Variants in FSTL5 observed in about 807,000 individuals in gnomAD.
The protein encoded by FSTL5 is follistatin like 5.
A neutral mutation model predicts 89.1 loss-of-function variants in FSTL5; 62 were observed. That is an observed-to-expected ratio of 0.70 (90% CI 0.57 to 0.86). The LOEUF (loss-of-function observed/expected upper bound fraction) is 0.86. Among genes scored for constraint, FSTL5 ranks in the 40% least tolerant of loss-of-function variants. FSTL5 has a pLI of 0.00. For missense variants in FSTL5, 1,057 were observed against 1,001.6 expected (o/e 1.06, Z -0.75); for synonymous variants, 383 against 346.2 (o/e 1.11, Z -1.18).
At chr4:161,700,350 T>C (rs1738344405) in intron 6 of FSTL5, among the ~76,000 whole-genome samples, 1 of 152,118 alleles carries the variant, frequency 6.6e-6, no homozygotes, top group Admixed American at 6.6e-5. Context: ...TATGCTATAA[T>C]TCCTCTCTTC....
chr4:161,435,589 T>C (rs963359349), intron 15 of FSTL5, among the ~76,000 whole-genome samples: 2 of 151,840 alleles, frequency 1.3e-5, no homozygotes, highest in Non-Finnish European at 2.9e-5. Flanking sequence ...AACTGGATTG[T>C]CTGTAACACA....
intron 10 of FSTL5, among the ~76,000 whole-genome samples, chr4:161,526,671 C>T (rs1162054406): frequency 1.3e-5 from 2 of 152,154 alleles, no homozygotes; most frequent in Non-Finnish European, 2.9e-5. Flanking sequence ...ATATGGCTAG[C>T]CAGTTTTCCC....
At chr4:161,567,960 G>A (rs1180784935) in intron 8 of FSTL5, among the ~76,000 whole-genome samples, 1 of 151,912 alleles carries the variant, frequency 6.6e-6, no homozygotes, top group Non-Finnish European at 1.5e-5. Context: ...GAAAGATTGA[G>A]CACATGGAAC....
chr4:161,465,296 G>A (rs1021167626), intron 13 of FSTL5, among the ~76,000 whole-genome samples: 8 of 151,986 alleles, frequency 5.3e-5, no homozygotes, highest in African/African-American at 1.9e-4. Flanking sequence ...GACCATTGGT[G>A]TGCACATTTT....
At position 162,058,261 on chromosome 4, in the gene FSTL5, G is replaced by A. The variant is rs113730116; in HGVS notation, c.127-24603C>T. On this transcript the variant is annotated intron_variant, in intron 2 of 15. Transcript: ENST00000306100. Reference sequence around the variant, plus strand: ...TTCAATTTCTAAGAGTTAGGGACAAGGCTAGAATGGGAATAGAAGGTTTCA... The same window carrying A: ...TTCAATTTCTAAGAGTTAGGGACAAAGCTAGAATGGGAATAGAAGGTTTCA... Among the ~76,000 whole-genome samples the A allele has an allele frequency of 2.2e-3, 331 of 152,034 alleles. 2 individuals are homozygous for A. The highest frequency in any genetic ancestry group is 7.6e-3 in the African/African-American group (315 of 41,460).
At chr4:161,719,528 A>G (rs1739117322) in intron 6 of FSTL5, among the ~76,000 whole-genome samples, 1 of 152,172 alleles carries the variant, frequency 6.6e-6, no homozygotes, top group Non-Finnish European at 1.5e-5. Context: ...TGCCATTAGA[A>G]TTTTGATAGA....
At chr4:162,130,149 GT>G (rs1340334604) in intron 1 of FSTL5, among the ~76,000 whole-genome samples, 1 of 152,068 alleles carries the variant, frequency 6.6e-6, no homozygotes, top group South Asian at 2.1e-4. Flanking sequence ...TTGATGAAGA[GT>G]TTAGGAAAAA....
intron 7 of FSTL5, among the ~76,000 whole-genome samples, chr4:161,647,682 G>C (rs916717426): frequency 2.6e-5 from 4 of 152,118 alleles, no homozygotes; most frequent in Admixed American, 2.0e-4. Context: ...AGGAGTGATG[G>C]GAAGGGAAAA....
intron 6 of FSTL5, among the ~76,000 whole-genome samples, chr4:161,700,531 GA>G (rs1738351716): frequency 6.6e-6 from 1 of 151,570 alleles, no homozygotes; most frequent in African/African-American, 2.4e-5. Flanking sequence ...ACAGGGTTAT[GA>G]AACTGGCTAA....
At chr4:161,710,065 G>T (rs1357184787) in intron 6 of FSTL5, among the ~76,000 whole-genome samples, 1 of 151,852 alleles carries the variant, frequency 6.6e-6, no homozygotes, top group Non-Finnish European at 1.5e-5. Flanking sequence ...ACTTCCTGGG[G>T]TCAAGCAATC....
chr4:161,532,592 G>C (rs1461108742), intron 10 of FSTL5, among the ~76,000 whole-genome samples: 4 of 152,050 alleles, frequency 2.6e-5, no homozygotes, highest in African/African-American at 7.2e-5. Context: ...GTCTTTGATT[G>C]GTTCTTTTGG....
At chr4:161,807,643 T>C (rs1730010462) in intron 4 of FSTL5, among the ~76,000 whole-genome samples, 2 of 152,130 alleles carry the variant, frequency 1.3e-5, no homozygotes, top group Non-Finnish European at 2.9e-5. Flanking sequence ...CATAAATGAA[T>C]GAAAAAACGA....
intron 7 of FSTL5, among the ~76,000 whole-genome samples, chr4:161,636,513 C>T (rs939267452): frequency 7.0e-6 from 1 of 142,650 alleles, no homozygotes; most frequent in African/African-American, 2.6e-5. Flanking sequence ...GCACATTGCG[C>T]AGGTTAGTTA....
chr4:161,385,539 T>C lies in FSTL5; in HGVS notation c.*208A>G, dbSNP rs1022512254. The C allele has an allele frequency of 2.1e-6, 1 of 482,966 alleles. No homozygotes were observed. The highest frequency in any genetic ancestry group is 2.0e-5 in the African/African-American group (1 of 51,172). The allele number at this position is 482,966 out of a possible 1,614,324, so 29.9% of individuals were successfully genotyped here. Reference sequence around the variant, plus strand: ...GTGACTGATGTGATTTCTCATTAAATATTGTGCTGAGTATTTCTAATTAAC... The same window carrying C: ...GTGACTGATGTGATTTCTCATTAAACATTGTGCTGAGTATTTCTAATTAAC... On this transcript the variant is annotated 3_prime_UTR_variant, in exon 16 of 16. Transcript: ENST00000306100.
intron 3 of FSTL5, among the ~76,000 whole-genome samples, chr4:161,943,716 C>A (rs894325570): frequency 6.6e-6 from 1 of 151,282 alleles, no homozygotes; most frequent in Non-Finnish European, 1.5e-5. Flanking sequence ...CCACCATGCC[C>A]GGCTAATTTT....
At chr4:161,843,176 T>A (rs1034136465) in intron 4 of FSTL5, among the ~76,000 whole-genome samples, 1 of 152,168 alleles carries the variant, frequency 6.6e-6, no homozygotes, top group Admixed American at 6.6e-5. Context: ...TGTCACAGGT[T>A]CTAAAAAGTT....
chr4:161,385,855 T>C lies in FSTL5; in HGVS notation c.2436A>G (p.Thr812=), dbSNP rs1322680128. 1.9e-6 allele frequency: 3 copies of C among 1,613,660 alleles called. No homozygotes were observed. In the African/African-American group the frequency reaches 4.0e-5, roughly 22 times the overall value. Reference sequence around the variant, plus strand: ...GGATGAAGAGAGAGTCCTTGGAAGGTGTCATCAGGTATTGACCAAACAAGC... The same window carrying C: ...GGATGAAGAGAGAGTCCTTGGAAGGCGTCATCAGGTATTGACCAAACAAGC... The part of the protein sequence containing the change: ...DSGLFGQYLM[T]PSKDSLFILD... Residue 812 remains threonine (T), a synonymous_variant, in exon 16 of 16, where the codon ACA becomes ACG. Coordinates refer to ENST00000306100, the MANE Select transcript of FSTL5 (RefSeq NM_020116.5).
chr4:161,835,155 T>C (rs2126866043), intron 4 of FSTL5, among the ~76,000 whole-genome samples: 1 of 150,942 alleles, frequency 6.6e-6, no homozygotes, highest in South Asian at 2.1e-4. Context: ...GCTGCATATC[T>C]ACAACTATCT....
intron 13 of FSTL5, among the ~76,000 whole-genome samples, chr4:161,461,714 A>G (rs1733590844): frequency 6.6e-6 from 1 of 152,084 alleles, no homozygotes. Context: ...CTAATCAATA[A>G]TTTCAGTGCA....
Sources: gnomAD v4.1 joint callset for allele counts (sites outside exome capture counted in the v4.1 genomes callset) on GRCh38, gnomAD v4.1.1 for gene constraint, MANE v1.5 for transcripts, NCBI Gene and HGNC (gene_info 2026-07-23, HGNC 2026-07-21) for gene names.